The following GLYATL2 variants were observed in gnomAD, a reference collection of about 807,000 sequenced individuals.
GLYATL2 encodes glycine-N-acyltransferase like 2.
A neutral mutation model predicts 21.4 loss-of-function variants in GLYATL2; 25 were observed. The observed-to-expected ratio is 1.17, with a 90% CI of 0.85 to 1.63. The LOEUF (loss-of-function observed/expected upper bound fraction) is 1.63, where lower values mean the gene tolerates loss of function less well. GLYATL2 is among the 40% of genes most tolerant of loss of function. The pLI is 0.00. For synonymous variants in GLYATL2, 114 were observed against 118.2 expected (o/e 0.96, Z 0.23); for missense variants, 361 against 343.3 (o/e 1.05, Z -0.41).
chr11:58,838,810 T>A (rs554611213), intron 2 of GLYATL2, among the ~76,000 whole-genome samples: 3 of 152,226 alleles, frequency 2.0e-5, no homozygotes, highest in Non-Finnish European at 2.9e-5. Context: ...GTAGGACACG[T>A]GGTCTGAGAG....
intron 1 of GLYATL2, among the ~76,000 whole-genome samples, chr11:58,840,035 T>C (rs1200490746): frequency 1.3e-5 from 2 of 152,202 alleles, no homozygotes; most frequent in East Asian, 3.9e-4. Flanking sequence ...CCCCCAAGCA[T>C]TGAAACACTT....
intron 1 of GLYATL2, among the ~76,000 whole-genome samples, chr11:58,876,233 T>A (rs540573): frequency 2.0e-5 from 3 of 152,016 alleles, no homozygotes; most frequent in Non-Finnish European, 2.9e-5. Context: ...CCATTGGTTC[T>A]AACTTCCTCC....
At chr11:58,884,024 A>G (rs900958524) in intron 1 of GLYATL2, among the ~76,000 whole-genome samples, 9 of 152,212 alleles carry the variant, frequency 5.9e-5, no homozygotes, top group African/African-American at 1.2e-4. Context: ...ACAGTCCTTC[A>G]CGCTAAAAAC....
chr11:58,874,776 A>G (rs1469892094), intron 1 of GLYATL2, among the ~76,000 whole-genome samples: 4 of 152,184 alleles, frequency 2.6e-5, no homozygotes, highest in African/African-American at 7.2e-5. Context: ...TTGATTTTGG[A>G]TGGAGAGTTC....
chr11:58,876,825 A>G (rs1490679145), intron 1 of GLYATL2, among the ~76,000 whole-genome samples: 2 of 152,238 alleles, frequency 1.3e-5, no homozygotes, highest in African/African-American at 4.8e-5. Flanking sequence ...CTGTCAGACA[A>G]GGACATTTAA....
intron 1 of GLYATL2, among the ~76,000 whole-genome samples, chr11:58,855,397 T>C (rs1853811131): frequency 6.6e-6 from 1 of 152,234 alleles, no homozygotes; most frequent in African/African-American, 2.4e-5. Flanking sequence ...TAAGAATATA[T>C]TTTTCGTGAG....
At chr11:58,885,256 G>A (rs1187480426) in intron 1 of GLYATL2, among the ~76,000 whole-genome samples, 2 of 152,170 alleles carry the variant, frequency 1.3e-5, no homozygotes, top group Non-Finnish European at 1.5e-5. Context: ...TGTGAGTTCT[G>A]CCTGCTTGCT....
chr11:58,901,360 G>C (rs1029382682), intron 1 of GLYATL2, among the ~76,000 whole-genome samples: 7 of 152,122 alleles, frequency 4.6e-5, no homozygotes, highest in Non-Finnish European at 8.8e-5. Flanking sequence ...GAGTTTCTCA[G>C]GTAGTTATGT....
intron 1 of GLYATL2, among the ~76,000 whole-genome samples, chr11:58,870,886 C>G (rs1854105873): frequency 6.6e-6 from 1 of 152,222 alleles, no homozygotes; most frequent in Non-Finnish European, 1.5e-5. Context: ...CAAAGACTCT[C>G]AAAGTCTCTG....
intron 1 of GLYATL2, among the ~76,000 whole-genome samples, chr11:58,903,997 A>G (rs1167425714): frequency 1.3e-5 from 2 of 152,220 alleles, no homozygotes; most frequent in African/African-American, 4.8e-5. Context: ...CACTTAATGC[A>G]GACTTTATCT....
intron 1 of GLYATL2, among the ~76,000 whole-genome samples, chr11:58,867,790 C>T (rs548235994): frequency 6.7e-6 from 1 of 149,056 alleles, no homozygotes; most frequent in African/African-American, 2.4e-5. Context: ...ACACATAAGG[C>T]TAAACCTTTC....
Position 58,895,986 on chromosome 11 carries a change from G to A in GLYATL2, n.60+8170C>T, listed in dbSNP as rs190656254. On this transcript the variant is annotated intron_variant and non_coding_transcript_variant, in intron 1 of 4. Coordinates refer to the GLYATL2 transcript ENST00000533636. Reference sequence around the variant, plus strand: ...CTTTGCCTCAGCCTCCTGAGTAGCTGGGATTACAGGCGCCCACCACCACGC... The same window carrying A: ...CTTTGCCTCAGCCTCCTGAGTAGCTAGGATTACAGGCGCCCACCACCACGC... 9.2e-5 allele frequency among the ~76,000 whole-genome samples: 14 copies of A among 152,002 alleles called. No homozygotes were observed. In the East Asian group the frequency reaches 2.7e-3, roughly 29 times the overall value.
intron 1 of GLYATL2, among the ~76,000 whole-genome samples, chr11:58,869,304 A>T (rs1389464107): frequency 6.6e-6 from 1 of 152,108 alleles, no homozygotes; most frequent in Non-Finnish European, 1.5e-5. Context: ...GTTGAGTGGG[A>T]AAGTGGGTTT....
chr11:58,907,474 TTTTTGTTTGTTTTG>T (rs1413271634), upstream of GLYATL2: 1 of 292,920 alleles, frequency 3.4e-6, no homozygotes, highest in Non-Finnish European at 6.9e-6. Context: ...ATTTCGCTCT[TTTTTGTTTGTTTTG>T]TTTTGTTTTG....
chr11:58,902,035 G>T (rs1457024133), intron 1 of GLYATL2, among the ~76,000 whole-genome samples: 1 of 152,154 alleles, frequency 6.6e-6, no homozygotes, highest in East Asian at 1.9e-4. Context: ...CCATCCCCAT[G>T]AGTGCATTGT....
At position 58,834,144 on chromosome 11, in the gene GLYATL2, A is replaced by G. The variant is rs1260321208; in HGVS notation, c.*285T>C. 2 of 255,586 alleles carry G rather than the reference A, an allele frequency of 7.8e-6. No individual in the cohort carries two copies. The highest frequency in any genetic ancestry group is 5.4e-5 in the Admixed American group (1 of 18,446). 15.8% of individuals were successfully genotyped at this position (255,586 alleles called of 1,614,324 possible). A position where few individuals can be genotyped will look rare whatever the true frequency, so the allele number is the denominator to read the frequency against. ...ATGAAAGAAATAGTCTTCATTTAAGAAAGTGTTGCCGTTAAAGGGTTATCT... is the reference window on the plus strand; with the variant it reads ...ATGAAAGAAATAGTCTTCATTTAAGGAAGTGTTGCCGTTAAAGGGTTATCT... On this transcript the variant is annotated 3_prime_UTR_variant, in exon 6 of 6. Coordinates refer to ENST00000287275, the MANE Select transcript of GLYATL2 (RefSeq NM_145016.4).
chr11:58,852,769 A>T (rs1022336096), intron 1 of GLYATL2, among the ~76,000 whole-genome samples: 1 of 152,126 alleles, frequency 6.6e-6, no homozygotes, highest in African/African-American at 2.4e-5. Context: ...ATCGTTAACT[A>T]CTTCCCTAAA....
chr11:58,858,586 G>T (rs1352028708), intron 1 of GLYATL2, among the ~76,000 whole-genome samples: 2 of 152,088 alleles, frequency 1.3e-5, no homozygotes, highest in African/African-American at 4.8e-5. Context: ...CTTTAGCCAA[G>T]AATTCTCTAG....
chr11:58,835,907 T>C (rs528827259), intron 5 of GLYATL2, among the ~76,000 whole-genome samples: 1 of 152,350 alleles, frequency 6.6e-6, no homozygotes, highest in Non-Finnish European at 1.5e-5. Flanking sequence ...GTGTCTCATA[T>C]GAACACTGGT....
Sources: allele counts gnomAD v4.1 joint callset (sites outside exome capture counted in the v4.1 genomes callset), GRCh38; gene constraint gnomAD v4.1.1; transcripts MANE v1.5; gene names NCBI Gene and HGNC (gene_info 2026-07-23, HGNC 2026-07-21).